Variants in SPAG16 observed in about 807,000 individuals in gnomAD.
SPAG16 encodes sperm associated antigen 16.
Under a neutral mutation model 80.4 loss-of-function variants are expected in SPAG16, and 86 were observed. The observed-to-expected ratio is 1.07, with a 90% CI of 0.90 to 1.28. The LOEUF (loss-of-function observed/expected upper bound fraction) is 1.28, where lower values mean the gene tolerates loss of function less well. Among genes scored for constraint, SPAG16 ranks in the 50% most tolerant of loss-of-function variants. SPAG16 has a pLI of 0.00. For missense variants in SPAG16, 870 were observed against 765.3 expected, an observed-to-expected ratio of 1.14 and a Z score of -1.61; for synonymous variants, 294 against 265.9, an observed-to-expected ratio of 1.11 and a Z score of -1.03.
At chr2:213,831,666 G>A (rs1450828555) in intron 10 of SPAG16, among the ~76,000 whole-genome samples, 1 of 152,020 alleles carries the variant, frequency 6.6e-6, no homozygotes, top group Non-Finnish European at 1.5e-5. Context: ...TAACACTAAA[G>A]CCTGCAAATC....
In SPAG16 at chr2:213,497,125, G is replaced by T. The variant is rs903599372; in HGVS notation, c.1070+7035G>T. 2.0e-5 allele frequency among the ~76,000 whole-genome samples: 3 copies of T among 151,896 alleles called. No individual in the cohort carries two copies. The South Asian group carries it at 6.2e-4, about 32-fold the overall frequency. ...TTTCTATAATATAAAGATACAGTCTGCTAGTTTTACAGTTTATTATCAAAG... is the reference window on the plus strand; with the variant it reads ...TTTCTATAATATAAAGATACAGTCTTCTAGTTTTACAGTTTATTATCAAAG... On this transcript the variant is annotated intron_variant, in intron 10 of 15. Coordinates refer to ENST00000331683, the MANE Select transcript of SPAG16 (RefSeq NM_024532.5).
At chr2:213,575,856 T>C (rs567269790) in intron 10 of SPAG16, among the ~76,000 whole-genome samples, 2 of 152,290 alleles carry the variant, frequency 1.3e-5, no homozygotes, top group Middle Eastern at 3.4e-3. Context: ...CATTCTTGCA[T>C]TGTAAAATGG....
intron 5 of SPAG16, among the ~76,000 whole-genome samples, chr2:213,329,898 C>T (rs982173535): frequency 6.6e-6 from 1 of 152,242 alleles, no homozygotes; most frequent in Non-Finnish European, 1.5e-5. Flanking sequence ...TCAGCTACTC[C>T]AGCCATGACT....
intron 9 of SPAG16, among the ~76,000 whole-genome samples, chr2:213,415,238 GCTTTT>G: frequency 6.6e-6 from 1 of 152,344 alleles, no homozygotes; most frequent in East Asian, 1.9e-4. Flanking sequence ...TCAGCCCCAA[GCTTTT>G]CAGAGGGGCC....
At chr2:214,041,920 C>A (rs986002224) in intron 13 of SPAG16, among the ~76,000 whole-genome samples, 1 of 129,726 alleles carries the variant, frequency 7.7e-6, no homozygotes, top group South Asian at 2.4e-4. Flanking sequence ...TTATATATAT[C>A]TTTTGTGTAT....
At chr2:213,925,829 T>C (rs2078445696) in intron 11 of SPAG16, among the ~76,000 whole-genome samples, 1 of 152,250 alleles carries the variant, frequency 6.6e-6, no homozygotes, top group Admixed American at 6.5e-5. Flanking sequence ...AAAGAGCTTA[T>C]TAGTGTTTCT....
chr2:213,715,152 C>T (rs1011238176), intron 10 of SPAG16, among the ~76,000 whole-genome samples: 2 of 151,928 alleles, frequency 1.3e-5, no homozygotes, highest in Non-Finnish European at 2.9e-5. Context: ...CTATTATGAG[C>T]GGACTGCTGC....
intron 9 of SPAG16, among the ~76,000 whole-genome samples, chr2:213,421,842 C>T (rs189300319): frequency 1.2e-4 from 19 of 152,210 alleles, no homozygotes; most frequent in East Asian, 3.9e-4. Flanking sequence ...CTCATCAGGA[C>T]GACCTGCCCG....
intron 10 of SPAG16, among the ~76,000 whole-genome samples, chr2:213,505,299 A>G (rs2125791077): frequency 6.6e-6 from 1 of 152,284 alleles, no homozygotes; most frequent in South Asian, 2.1e-4. Flanking sequence ...ATATGTGGAC[A>G]CAATTTTTTT....
At position 213,377,958 on chromosome 2, in the gene SPAG16, T is replaced by G. The variant is rs1575424244; in HGVS notation, c.942+2839T>G. Among the ~76,000 whole-genome samples the G allele has an allele frequency of 2.0e-5, 3 of 151,348 alleles. No homozygotes were observed. The South Asian group carries it at 6.3e-4, about 32-fold the overall frequency. On this transcript the variant is annotated intron_variant, in intron 9 of 15. Coordinates refer to ENST00000331683, the MANE Select transcript of SPAG16 (RefSeq NM_024532.5). ...AACTAATAAGATATATATGGGGAGT[T>G]TATTAAGTATTAACTCACACGATCA...
intron 10 of SPAG16, among the ~76,000 whole-genome samples, chr2:213,656,891 G>C (rs1034879622): frequency 2.0e-5 from 3 of 152,144 alleles, no homozygotes; most frequent in African/African-American, 4.8e-5. Flanking sequence ...GAAAGAATCT[G>C]TTCCATATCA....
intron 15 of SPAG16, among the ~76,000 whole-genome samples, chr2:214,336,774 G>C: frequency 6.6e-6 from 1 of 151,298 alleles, no homozygotes. Context: ...TAGAAATAGA[G>C]TGTTTTTGTT....
intron 10 of SPAG16, among the ~76,000 whole-genome samples, chr2:213,684,656 G>A (rs1016564905): frequency 5.9e-5 from 9 of 152,136 alleles, no homozygotes; most frequent in South Asian, 2.1e-4. Context: ...TGACTTTTCC[G>A]CTCTTATAGC....
At chr2:214,298,693 T>C (rs544390837) in intron 15 of SPAG16, among the ~76,000 whole-genome samples, 24 of 152,344 alleles carry the variant, frequency 1.6e-4, no homozygotes, top group African/African-American at 5.8e-4. Flanking sequence ...ATTGTAAGCC[T>C]ATTTGTATTT....
intron 9 of SPAG16, among the ~76,000 whole-genome samples, chr2:213,474,921 C>T (rs913018763): frequency 2.0e-5 from 3 of 152,126 alleles, no homozygotes; most frequent in Admixed American, 1.3e-4. Flanking sequence ...TAATACTTTG[C>T]CTCCTTCAAT....
At chr2:213,806,338 C>A (rs2071769293) in intron 10 of SPAG16, among the ~76,000 whole-genome samples, 1 of 152,080 alleles carries the variant, frequency 6.6e-6, no homozygotes, top group Admixed American at 6.5e-5. Flanking sequence ...GTAGCCATTA[C>A]TTAGGTAAAT....
At chr2:214,138,696 G>A (rs113947920) in intron 14 of SPAG16, among the ~76,000 whole-genome samples, 5 of 152,078 alleles carry the variant, frequency 3.3e-5, no homozygotes, top group Non-Finnish European at 1.5e-5. Flanking sequence ...CTAGACCTGA[G>A]CATCAGAAGG....
intron 10 of SPAG16, among the ~76,000 whole-genome samples, chr2:213,806,098 T>C (rs2071751432): frequency 6.6e-6 from 1 of 152,206 alleles, no homozygotes; most frequent in Non-Finnish European, 1.5e-5. Flanking sequence ...TTTGTCAGCA[T>C]GCAACATTAT....
intron 14 of SPAG16, among the ~76,000 whole-genome samples, chr2:214,133,888 G>A (rs2054912156): frequency 6.6e-6 from 1 of 152,134 alleles, no homozygotes; most frequent in Admixed American, 6.6e-5. Flanking sequence ...GGAAAGTGCA[G>A]CAGAAGGCTC....
Sources: allele counts gnomAD v4.1 joint callset (sites outside exome capture counted in the v4.1 genomes callset), GRCh38; gene constraint gnomAD v4.1.1; transcripts MANE v1.5; gene names NCBI Gene and HGNC (gene_info 2026-07-23, HGNC 2026-07-21).